The following C3orf70 variants were observed in gnomAD, a reference collection of about 807,000 sequenced individuals.
C3orf70 encodes chromosome 3 open reading frame 70.
Under a neutral mutation model 20.7 loss-of-function variants are expected in C3orf70, and 15 were observed. The observed-to-expected ratio is 0.72, with a 90% CI of 0.48 to 1.11. The LOEUF is 1.11. C3orf70 is among the 50% of genes most tolerant of loss of function. The probability of loss-of-function intolerance (pLI) is 0.00; values close to 1 mark genes in which losing one functional copy is unlikely to be tolerated. For missense variants in C3orf70, 332 were observed against 317.6 expected (o/e 1.05, Z -0.34); for synonymous variants, 161 against 125.7 (o/e 1.28, Z -1.88).
At chr3:185,122,918 G>A (rs9838900) in intron 1 of C3orf70, among the ~76,000 whole-genome samples, 7,843 of 151,812 alleles carry the variant, frequency 0.052, 663 homozygotes, top group African/African-American at 0.18. Context: ...TACTTTGGGA[G>A]GCCGACGCAG....
At chr3:185,103,537 G>T (rs1293544198) in intron 1 of C3orf70, among the ~76,000 whole-genome samples, 3 of 151,350 alleles carry the variant, frequency 2.0e-5, no homozygotes. Flanking sequence ...CAAAAAACAT[G>T]AACAGACACT....
At chr3:185,102,269 C>T (rs976893160) in intron 1 of C3orf70, among the ~76,000 whole-genome samples, 2 of 152,124 alleles carry the variant, frequency 1.3e-5, no homozygotes, top group African/African-American at 4.8e-5. Context: ...TTCCTATATA[C>T]CAAAAACAGG....
rs999658833 is a variant in C3orf70 at position 185,092,291 on chromosome 3, T to G, written c.197-8728A>C. Reference sequence around the variant, plus strand: ...ACAGAAGGCAAGGGCTGCCTGGAGGTGTCTCCAAGCCACTCTAGAGCTTTT... The same window carrying G: ...ACAGAAGGCAAGGGCTGCCTGGAGGGGTCTCCAAGCCACTCTAGAGCTTTT... On this transcript the variant is annotated intron_variant, in intron 1 of 1. Coordinates refer to ENST00000335012, the MANE Select transcript of C3orf70 (RefSeq NM_001025266.3). 2.6e-5 allele frequency among the ~76,000 whole-genome samples: 4 copies of G among 151,892 alleles called. No homozygotes were observed. The East Asian group carries it at 7.8e-4, about 29-fold the overall frequency.
At chr3:185,149,097 G>C (rs1392935643) in intron 1 of C3orf70, among the ~76,000 whole-genome samples, 5 of 152,096 alleles carry the variant, frequency 3.3e-5, no homozygotes, top group Non-Finnish European at 5.9e-5. Context: ...AATTACAAAA[G>C]TAAATACAGT....
chr3:185,083,022 T>C lies in C3orf70; in HGVS notation c.738A>G (p.Ile246Met). ...SQSDLEVIET[I>M]ETTV ...GTCTGGACTCTCACACAGTCGTTTC[T>C]ATCGTTTCAATCACTTCCAGGTCAG... The change falls in exon 2 of 2, where the codon ATA becomes ATG. Residue 246 changes from isoleucine (I) to methionine (M), a missense_variant. Ile to Met is a conservative substitution (Grantham distance 10, BLOSUM62 1). Coordinates refer to ENST00000335012, the MANE Select transcript of C3orf70 (RefSeq NM_001025266.3). 1.9e-6 allele frequency: 3 copies of C among 1,613,510 alleles called. No individual in the cohort carries two copies. Among genetic ancestry groups the C allele is most frequent in the Non-Finnish European group, 1.7e-6 (2 of 1,179,646 alleles).
intron 1 of C3orf70, among the ~76,000 whole-genome samples, chr3:185,109,746 CTA>C (rs1400627519): frequency 6.6e-6 from 1 of 152,162 alleles, no homozygotes; most frequent in East Asian, 1.9e-4. Context: ...TGTAATCACT[CTA>C]TGACACAGTT....
intron 1 of C3orf70, among the ~76,000 whole-genome samples, chr3:185,130,875 T>C (rs1716510353): frequency 6.6e-6 from 1 of 152,240 alleles, no homozygotes; most frequent in Non-Finnish European, 1.5e-5. Context: ...TAATGGACTT[T>C]TGGGTTCTTT....
At chr3:185,106,753 AC>A (rs1032692293) in intron 1 of C3orf70, among the ~76,000 whole-genome samples, 1 of 152,048 alleles carries the variant, frequency 6.6e-6, no homozygotes, top group East Asian at 1.9e-4. Context: ...TGCCTGGGGA[AC>A]CCCCCGCAAA....
At chr3:185,085,888 C>T (rs1326390437) in intron 1 of C3orf70, among the ~76,000 whole-genome samples, 1 of 152,172 alleles carries the variant, frequency 6.6e-6, no homozygotes, top group East Asian at 1.9e-4. Flanking sequence ...CTTCTGTCCA[C>T]AGAGTGGTAA....
rs1561318491 is a variant in C3orf70 at position 185,078,594 on chromosome 3, C to T, written c.*4413G>A. On this transcript the variant is annotated 3_prime_UTR_variant, in exon 2 of 2. Transcript: ENST00000335012. ...ACTCCCACTGGCTTCCCCCTTCTTC[C>T]CTCCTCCTCAGTGGGAGAGGACAAA... 1 of 152,220 alleles carries T rather than the reference C, an allele frequency of 6.6e-6. No homozygotes were observed. Among genetic ancestry groups the T allele is most frequent in the Non-Finnish European group, 1.5e-5 (1 of 68,050 alleles). The allele number at this position is 152,220 out of a possible 1,614,324, so 9.4% of individuals were successfully genotyped here. A position where few individuals can be genotyped will look rare whatever the true frequency, so the allele number is the denominator to read the frequency against.
At position 185,083,400 on chromosome 3, in the gene C3orf70, T is replaced by C; in HGVS notation, c.360A>G (p.Ser120=). 1 of 1,614,008 alleles carries C rather than the reference T, an allele frequency of 6.2e-7. No individual in the cohort carries two copies. The highest frequency in any genetic ancestry group is 1.3e-5 in the African/African-American group (1 of 74,974). The change falls in exon 2 of 2, where the codon TCA becomes TCG. Residue 120 remains serine, a synonymous_variant. Transcript: ENST00000335012. ...GGTCTGAAATCATACAGTACCTCGG[T>C]GAGTCAGGGGGAAGGGGAGGCTGGA... is the stretch of plus-strand genomic sequence containing the variant. The part of the protein sequence containing the change: ...SVFQPPLPPD[S]PRYCMISDLF...
intron 1 of C3orf70, among the ~76,000 whole-genome samples, chr3:185,137,127 T>C (rs1324283829): frequency 2.6e-5 from 4 of 152,130 alleles, no homozygotes; most frequent in Admixed American, 1.3e-4. Flanking sequence ...GTTCTCGTGG[T>C]AGTGAATAAG....
chr3:185,094,083 T>G (rs1371691835), intron 1 of C3orf70, among the ~76,000 whole-genome samples: 1 of 142,544 alleles, frequency 7.0e-6, no homozygotes, highest in Non-Finnish European at 1.5e-5. Flanking sequence ...GGTTTTTTTT[T>G]TTTTTTTTTT....
chr3:185,125,384 AAACAACAAC>A (rs141336074), intron 1 of C3orf70, among the ~76,000 whole-genome samples: 55,466 of 149,652 alleles, frequency 0.37, 10,560 homozygotes, highest in Middle Eastern at 0.5. Context: ...CCATCTCCAA[AAACAACAAC>A]AACAACAACA....
chr3:185,124,716 T>A (rs529100837), intron 1 of C3orf70, among the ~76,000 whole-genome samples: 1 of 152,098 alleles, frequency 6.6e-6, no homozygotes, highest in African/African-American at 2.4e-5. Flanking sequence ...AACTCCTCAC[T>A]AGACAGTGTA....
intron 1 of C3orf70, among the ~76,000 whole-genome samples, chr3:185,116,158 G>A (rs995568141): frequency 6.6e-6 from 1 of 152,146 alleles, no homozygotes; most frequent in African/African-American, 2.4e-5. Flanking sequence ...TAGACAGACG[G>A]TAATATTTTG....
At chr3:185,130,788 T>C (rs77154506) in intron 1 of C3orf70, among the ~76,000 whole-genome samples, 9,031 of 152,308 alleles carry the variant, frequency 0.059, 376 homozygotes, top group South Asian at 0.1. Flanking sequence ...TGTGTCTGTA[T>C]TTCATTCTGT....
At chr3:185,106,634 C>A (rs114048236) in intron 1 of C3orf70, among the ~76,000 whole-genome samples, 1 of 152,196 alleles carries the variant, frequency 6.6e-6, no homozygotes, top group African/African-American at 2.4e-5. Context: ...CATTCTAAAC[C>A]GGGGCCTTTC....
At chr3:185,143,400 ATACAG>A (rs1716796538) in intron 1 of C3orf70, among the ~76,000 whole-genome samples, 1 of 152,210 alleles carries the variant, frequency 6.6e-6, no homozygotes, top group South Asian at 2.1e-4. Context: ...AGATAGAGAT[ATACAG>A]AAGTACATCT....
Sources: gnomAD v4.1 joint callset for allele counts (sites outside exome capture counted in the v4.1 genomes callset) on GRCh38, gnomAD v4.1.1 for gene constraint, MANE v1.5 for transcripts, NCBI Gene and HGNC (gene_info 2026-07-23, HGNC 2026-07-21) for gene names.